Variants in SPMIP4 observed in about 807,000 individuals in gnomAD.
The protein encoded by SPMIP4 is sperm-associated microtubule inner protein 4.
the SPMIP4 span, among the ~76,000 whole-genome samples, chr7:25,152,663 CTTCCTTCCTTCT>C: frequency 1.7e-4 from 25 of 151,372 alleles, no homozygotes; most frequent in South Asian, 4.4e-3. Flanking sequence ...TCTTTCCTTC[CTTCCTTCCTTCT>C]TTCCTTCCTC....
chr7:25,160,843 AT>A, the SPMIP4 span, among the ~76,000 whole-genome samples: 2 of 152,304 alleles, frequency 1.3e-5, no homozygotes, highest in East Asian at 3.9e-4. Flanking sequence ...CCACTATGGC[AT>A]TTTCTATTGA....
At chr7:25,163,983 G>A in the SPMIP4 span, among the ~76,000 whole-genome samples, 446 of 152,290 alleles carry the variant, frequency 2.9e-3, 1 homozygote, top group African/African-American at 0.01. The surrounding 1 kb of genome is among the most constrained non-coding windows in gnomAD (Gnocchi z 4.4). Flanking sequence ...ATGATTCACC[G>A]TATTGATAGA....
the SPMIP4 span, among the ~76,000 whole-genome samples, chr7:25,145,123 C>A: frequency 1.3e-5 from 2 of 151,938 alleles, no homozygotes; most frequent in African/African-American, 4.8e-5. Flanking sequence ...CCACCACGCC[C>A]GGCTAATTTT....
chr7:25,125,834 G>T, the SPMIP4 span: 7 of 817,868 alleles, frequency 8.6e-6, no homozygotes, highest in Non-Finnish European at 1.0e-5. Flanking sequence ...GGAGTTACAC[G>T]AGTTGGGCAC....
At chr7:25,145,548 T>TGGCTCGATACACTAAACTCAGG in the SPMIP4 span, among the ~76,000 whole-genome samples, 12 of 152,276 alleles carry the variant, frequency 7.9e-5, no homozygotes, top group African/African-American at 2.2e-4. Flanking sequence ...AGGTATTCAT[T>TGGCTCGATACACTAAACTCAGG]GGCTCGATAC....
chr7:25,179,419 C>T, the SPMIP4 span: 48 of 1,202,252 alleles, frequency 4.0e-5, no homozygotes, highest in Non-Finnish European at 5.3e-5. Flanking sequence ...TTCAACCTGA[C>T]GCTGCACAGA....
chr7:25,154,732 G>T, the SPMIP4 span, among the ~76,000 whole-genome samples: 5 of 152,058 alleles, frequency 3.3e-5, no homozygotes, highest in African/African-American at 1.2e-4. Flanking sequence ...AAATAGAAGT[G>T]GAATAAAAAC....
At chr7:25,134,751 TCTA>T in the SPMIP4 span, 2 of 985,016 alleles carry the variant, frequency 2.0e-6, no homozygotes, top group African/African-American at 3.5e-5. Context: ...ATTCCAGTGA[TCTA>T]CTCTGTGATA....
chr7:25,172,851 C>T, the SPMIP4 span, among the ~76,000 whole-genome samples: 1 of 152,006 alleles, frequency 6.6e-6, no homozygotes, highest in African/African-American at 2.4e-5. The surrounding 1 kb of genome is among the most constrained non-coding windows in gnomAD (Gnocchi z 4.2). Context: ...GGCATGTAGA[C>T]AAGGGCCATG....
the SPMIP4 span, chr7:25,180,090 C>A: frequency 6.6e-6 from 1 of 151,248 alleles, no homozygotes; most frequent in Non-Finnish European, 1.5e-5. Flanking sequence ...GTGGAGCTGG[C>A]AGGCAGGGGC....
the SPMIP4 span, among the ~76,000 whole-genome samples, chr7:25,170,058 T>C: frequency 5.9e-5 from 9 of 152,222 alleles, no homozygotes; most frequent in African/African-American, 2.2e-4. Context: ...CTTTGGGGAA[T>C]TAAATTAGAA....
the SPMIP4 span, among the ~76,000 whole-genome samples, chr7:25,173,773 T>C: frequency 2.0e-5 from 3 of 152,206 alleles, no homozygotes; most frequent in Non-Finnish European, 4.4e-5. The surrounding 1 kb of genome is among the most constrained non-coding windows in gnomAD (Gnocchi z 4.4). Flanking sequence ...TTTCTCAACA[T>C]CTGACCCCCG....
the SPMIP4 span, chr7:25,158,605 G>T: frequency 3.3e-6 from 4 of 1,214,254 alleles, no homozygotes; most frequent in African/African-American, 1.5e-5. Flanking sequence ...TTAGAAACTT[G>T]ATTAATGATA....
At chr7:25,160,259 AT>A in the SPMIP4 span, among the ~76,000 whole-genome samples, 1 of 68,298 alleles carries the variant, frequency 1.5e-5, no homozygotes, top group Admixed American at 1.8e-4. Flanking sequence ...TAAAGAAGTG[AT>A]AGTTCCATTA....
chr7:25,151,509 C>T, the SPMIP4 span: 1 of 813,768 alleles, frequency 1.2e-6, no homozygotes, highest in Non-Finnish European at 2.0e-6. Context: ...GGGCATGTGC[C>T]ACCATGTCAA....
At chr7:25,165,889 C>T in the SPMIP4 span, among the ~76,000 whole-genome samples, 2 of 152,062 alleles carry the variant, frequency 1.3e-5, no homozygotes, top group Non-Finnish European at 2.9e-5. Context: ...TTTACAATAC[C>T]CTCTCTACAT....
chr7:25,158,393 C>T, the SPMIP4 span: 9 of 419,648 alleles, frequency 2.1e-5, no homozygotes, highest in Non-Finnish European at 2.8e-5. Flanking sequence ...AAAAAAGAAA[C>T]GTTTTCATGG....
At chr7:25,171,332 G>A in the SPMIP4 span, among the ~76,000 whole-genome samples, 2 of 152,186 alleles carry the variant, frequency 1.3e-5, no homozygotes. Flanking sequence ...CACACAGGAA[G>A]CACTCAAATA....
At chr7:25,169,815 A>T in the SPMIP4 span, among the ~76,000 whole-genome samples, 1 of 152,014 alleles carries the variant, frequency 6.6e-6, no homozygotes, top group Non-Finnish European at 1.5e-5. Flanking sequence ...ACCTCAGGTG[A>T]TCCCCCCTAC....
Sources: gnomAD v4.1 joint callset for allele counts (sites outside exome capture counted in the v4.1 genomes callset) on GRCh38, gnomAD v4.1.1 for gene constraint, Gnocchi (gnomAD v3.1) non-coding constraint, MANE v1.5 for transcripts, NCBI Gene and HGNC (gene_info 2026-07-23, HGNC 2026-07-21) for gene names.